The following RAP1GAP variants were observed in gnomAD, a reference collection of about 807,000 sequenced individuals.
The protein encoded by RAP1GAP is rap1 GTPase-activating protein 1.
RAP1GAP carries 35 observed loss-of-function variants against 87.2 expected under a neutral mutation model. That is an observed-to-expected ratio of 0.40 (90% CI 0.31 to 0.53). The LOEUF is 0.53. Among genes scored for constraint, RAP1GAP ranks in the 20% least tolerant of loss-of-function variants. RAP1GAP has a pLI of 0.48. For synonymous variants in RAP1GAP, 375 were observed against 363.9 expected, an observed-to-expected ratio of 1.03 and a Z score of -0.35; for missense variants, 734 against 898.9, an observed-to-expected ratio of 0.82 and a Z score of 2.35.
At chr1:21,597,401 C>T in intron 24 of RAP1GAP, 137 bp from the exon 25 acceptor site, 1 of 349,026 alleles carries the variant, frequency 2.9e-6, no homozygotes, top group Non-Finnish European at 5.2e-6. Context: ...ATTCCAGGCT[C>T]CAGGTCTTTC....
chr1:21,619,133 TCC>T, intron 4 of RAP1GAP, 61 bp from the exon 5 acceptor site: 1 of 1,514,444 alleles, frequency 6.6e-7, no homozygotes, highest in African/African-American at 1.4e-5. Flanking sequence ...CTGCCTCCCC[TCC>T]CCAAGGCGTG....
chr1:21,608,790 C>A, intron 16 of RAP1GAP, 60 bp downstream of exon 16: 1 of 1,510,596 alleles, frequency 6.6e-7, no homozygotes, highest in Non-Finnish European at 9.2e-7. Context: ...AGGGACAGGG[C>A]TGAAGTTATA....
chr1:21,606,213 C>A lies in RAP1GAP; in HGVS notation c.1297-16G>T. The A allele has an allele frequency of 6.4e-7, 1 of 1,570,690 alleles. No homozygotes were observed. Among genetic ancestry groups the A allele is most frequent in the South Asian group, 1.2e-5 (1 of 86,124 alleles). ...GGATGACCCGCTGTGAAGGGGGTGG[C>A]AGTGGAGGAGGCACAGGATTCCTAA... On this transcript the variant is annotated splice_polypyrimidine_tract_variant and intron_variant, in intron 17 of 24. Coordinates refer to ENST00000374765, the MANE Select transcript of RAP1GAP (RefSeq NM_002885.4).
At chr1:21,626,118 G>A (rs1388399429) in intron 3 of RAP1GAP, among the ~76,000 whole-genome samples, 186 bp downstream of exon 3, 1 of 152,106 alleles carries the variant, frequency 6.6e-6, no homozygotes. Context: ...TAGGTTCAAC[G>A]TTTGTGACTG....
intron 7 of RAP1GAP, among the ~76,000 whole-genome samples, chr1:21,616,898 T>G (rs1442209095): frequency 2.6e-5 from 4 of 152,184 alleles, no homozygotes; most frequent in African/African-American, 9.7e-5. Flanking sequence ...TGTAAAGACC[T>G]TACAGATATC....
intron 2 of RAP1GAP, chr1:21,627,028 C>T (rs1048275252): frequency 2.8e-5 from 13 of 456,372 alleles, no homozygotes; most frequent in African/African-American, 2.2e-4. Context: ...AGTCTAAGCC[C>T]GGACTCTCTG....
chr1:21,637,991 A>C (rs1303748142), intron 2 of RAP1GAP, among the ~76,000 whole-genome samples: 2 of 150,276 alleles, frequency 1.3e-5, no homozygotes, highest in Admixed American at 6.7e-5. Flanking sequence ...AAAAAAAAAA[A>C]ACCACAAAAA....
intron 1 of RAP1GAP, among the ~76,000 whole-genome samples, chr1:21,656,864 G>A (rs2096887661): frequency 6.6e-6 from 1 of 152,234 alleles, no homozygotes; most frequent in African/African-American, 2.4e-5. Context: ...CATGTGGCTT[G>A]AAAGGCCCTG....
Position 21,609,785 on chromosome 1 carries a change from T to A in RAP1GAP, c.1000-139A>T. 1.5e-6 allele frequency: 1 copy of A among 650,914 alleles called. No homozygotes were observed. The highest frequency in any genetic ancestry group is 2.5e-6 in the Non-Finnish European group (1 of 395,010). The allele number at this position is 650,914 out of a possible 1,614,324, so 40.3% of individuals were successfully genotyped here. A position where few individuals can be genotyped will look rare whatever the true frequency, so the allele number is the denominator to read the frequency against. On this transcript the variant is annotated intron_variant, in intron 14 of 24. Transcript: ENST00000374765. This position sits in a 1 kb window ranked among gnomAD's most constrained non-coding sequence, Gnocchi z 4.4. ...TGACTGTGGGCTGGATGAATCTTTCTTCCAGAGATTTCTGCCCTCTATCTT... is the reference window on the plus strand; with the variant it reads ...TGACTGTGGGCTGGATGAATCTTTCATCCAGAGATTTCTGCCCTCTATCTT...
In RAP1GAP at chr1:21,637,149, T is replaced by C. The variant is rs1007777501; in HGVS notation, c.-112-10752A>G. Among the ~76,000 whole-genome samples, 14 of 148,544 alleles carry C rather than the reference T, an allele frequency of 9.4e-5. No homozygotes were observed. In the East Asian group the frequency reaches 1.6e-3, roughly 17 times the overall value. On this transcript the variant is annotated intron_variant, in intron 2 of 24. Coordinates refer to ENST00000374765, the MANE Select transcript of RAP1GAP (RefSeq NM_002885.4). ...ACATTTGAAATTCTTTTTTTTCTTT[T>C]TTTTTTTTTTTTTTGGTGGTGGTTG...
At chr1:21,600,519 G>A (rs933597003) in intron 20 of RAP1GAP, among the ~76,000 whole-genome samples, 6 of 152,094 alleles carry the variant, frequency 3.9e-5, no homozygotes, top group Non-Finnish European at 8.8e-5. Context: ...TACAGCAACC[G>A]AAGTCAGCTT....
At chr1:21,599,701 C>A in intron 20 of RAP1GAP, 84 bp from the exon 21 acceptor site, 2 of 1,515,124 alleles carry the variant, frequency 1.3e-6, no homozygotes. Flanking sequence ...CTCCCCAACC[C>A]GGGAGGCCCA....
intron 2 of RAP1GAP, among the ~76,000 whole-genome samples, chr1:21,631,954 A>T (rs560342683): frequency 2.6e-4 from 40 of 152,290 alleles, no homozygotes; most frequent in African/African-American, 9.4e-4. Context: ...GCCACCGCCA[A>T]GCGCCTTCCC....
chr1:21,613,500 C>T lies in RAP1GAP; in HGVS notation c.474+128G>A, dbSNP rs981474211. On this transcript the variant is annotated intron_variant, in intron 9 of 24. Transcript: ENST00000374765. This position sits in a 1 kb window ranked among gnomAD's most constrained non-coding sequence, Gnocchi z 4.7. ...CACGATGGGAACAAGTGAGAGACAG[C>T]CTCAGGATAGGGCGGCAGGCCAGGG... The T allele has an allele frequency of 3.3e-6, 3 of 911,198 alleles. No individual in the cohort carries two copies. In the African/African-American group the frequency reaches 4.9e-5, roughly 15 times the overall value. 56.4% of individuals were successfully genotyped at this position (911,198 alleles called of 1,614,324 possible). A position where few individuals can be genotyped will look rare whatever the true frequency, so the allele number is the denominator to read the frequency against.
intron 2 of RAP1GAP, among the ~76,000 whole-genome samples, chr1:21,647,983 C>G (rs942647886): frequency 2.6e-5 from 4 of 152,144 alleles, no homozygotes; most frequent in Admixed American, 2.6e-4. Context: ...TGGAGACAGC[C>G]CTTGAATGCC....
intron 19 of RAP1GAP, 107 bp downstream of exon 19, chr1:21,602,697 G>C: frequency 2.1e-6 from 2 of 965,486 alleles, no homozygotes; most frequent in Non-Finnish European, 3.0e-6. Flanking sequence ...AGTGGGGATG[G>C]AGAGGCAGAG....
intron 2 of RAP1GAP, chr1:21,627,075 T>A (rs1195613989): frequency 4.5e-6 from 2 of 445,456 alleles, no homozygotes; most frequent in Non-Finnish European, 9.1e-6. Flanking sequence ...AGAAAGCAGG[T>A]CTGGCGAGGG....
At chr1:21,641,632 G>A (rs1449001815) in intron 2 of RAP1GAP, among the ~76,000 whole-genome samples, 3 of 152,230 alleles carry the variant, frequency 2.0e-5, no homozygotes, top group African/African-American at 4.8e-5. Flanking sequence ...AACTCCGTAA[G>A]TATTTGTTGA....
intron 17 of RAP1GAP, among the ~76,000 whole-genome samples, chr1:21,607,968 T>C (rs2075822346): frequency 6.7e-6 from 1 of 148,878 alleles, no homozygotes; most frequent in South Asian, 2.1e-4. Context: ...CTCCACACCA[T>C]GTCAATCAGC....
Sources: allele counts gnomAD v4.1 joint callset (sites outside exome capture counted in the v4.1 genomes callset), GRCh38; gene constraint gnomAD v4.1.1; non-coding constraint Gnocchi (gnomAD v3.1); transcripts MANE v1.5; gene names NCBI Gene and HGNC (gene_info 2026-07-23, HGNC 2026-07-21).